Variants in NDP observed in about 807,000 individuals in gnomAD.
NDP encodes norrin.
Under a neutral mutation model 8.4 loss-of-function variants are expected in NDP, and 2 were observed. The ratio of observed to expected loss-of-function variants is 0.24; its 90% confidence interval spans 0.10 to 0.75. The LOEUF is 0.75. NDP is among the 30% of genes least tolerant of loss of function. The pLI is 0.73. For missense variants in NDP, 81 were observed against 110.1 expected, an observed-to-expected ratio of 0.74 and a Z score of 1.18; for synonymous variants, 55 against 45.6, an observed-to-expected ratio of 1.21 and a Z score of -0.83.
At chrX:43,961,837 A>G (rs1280796459) in intron 1 of NDP, among the ~76,000 whole-genome samples, 5 of 111,690 alleles carry the variant, frequency 4.5e-5, no homozygotes, top group Non-Finnish European at 3.8e-5. Flanking sequence ...ATACTCTTCC[A>G]GGGCGACCAC....
intron 2 of NDP, among the ~76,000 whole-genome samples, chrX:43,953,887 C>T (rs1478363143): frequency 8.9e-6 from 1 of 112,552 alleles, no homozygotes; most frequent in Non-Finnish European, 1.9e-5. Context: ...AAACCCCTGA[C>T]CATATCCATA....
chrX:43,956,887 T>C (rs1251532867), intron 2 of NDP, among the ~76,000 whole-genome samples: 2 of 111,920 alleles, frequency 1.8e-5, no homozygotes, highest in African/African-American at 6.5e-5. Context: ...TTCTTCGGTT[T>C]GAGTTCATGA....
chrX:43,964,498 G>A (rs1158652668), intron 1 of NDP, among the ~76,000 whole-genome samples: 1 of 110,944 alleles, frequency 9.0e-6, no homozygotes, highest in Non-Finnish European at 1.9e-5. Context: ...CCTGACTGAA[G>A]CTTAAAATCC....
At position 43,949,206 on chromosome X, in the gene NDP, G is replaced by A. The variant is rs1017480815; in HGVS notation, c.*593C>T. The A allele has an allele frequency of 8.8e-6, 1 of 113,765 alleles. No homozygotes were observed. Among genetic ancestry groups the A allele is most frequent in the Non-Finnish European group, 1.8e-5 (1 of 54,330 alleles). The allele number at this position is 113,765 out of a possible 1,213,427, so 9.4% of individuals were successfully genotyped here. A position where few individuals can be genotyped will look rare whatever the true frequency, so the allele number is the denominator to read the frequency against. Reference sequence around the variant, plus strand: ...TGAATAATAATTATAGCTGTCAAGAGTTCCAGCATCACATAAAAGAATCTG... The same window carrying A: ...TGAATAATAATTATAGCTGTCAAGAATTCCAGCATCACATAAAAGAATCTG... On this transcript the variant is annotated 3_prime_UTR_variant, in exon 3 of 3. Coordinates refer to ENST00000642620, the MANE Select transcript of NDP (RefSeq NM_000266.4).
chrX:43,968,684 G>A (rs12833438), intron 1 of NDP, among the ~76,000 whole-genome samples: 27,274 of 111,556 alleles, frequency 0.24, 2,716 homozygotes, highest in Non-Finnish European at 0.3. Flanking sequence ...GGACAAAAGA[G>A]TGGTTGTATT....
At chrX:43,956,791 G>A (rs1212219480) in intron 2 of NDP, among the ~76,000 whole-genome samples, 1 of 111,999 alleles carries the variant, frequency 8.9e-6, no homozygotes, top group Non-Finnish European at 1.9e-5. Context: ...GCTGTTATTT[G>A]CCATGGCTTT....
chrX:43,967,611 C>T (rs978175004), intron 1 of NDP, among the ~76,000 whole-genome samples: 2 of 111,470 alleles, frequency 1.8e-5, no homozygotes, highest in African/African-American at 6.5e-5. Flanking sequence ...ATTGAAAGGG[C>T]AGCAGCAGAT....
intron 1 of NDP, among the ~76,000 whole-genome samples, chrX:43,965,655 T>C (rs1449575575): frequency 9.0e-6 from 1 of 111,547 alleles, no homozygotes; most frequent in Non-Finnish European, 1.9e-5. Flanking sequence ...CTCTTGCACC[T>C]TTCTTTTGAA....
intron 1 of NDP, among the ~76,000 whole-genome samples, chrX:43,960,138 A>AT (rs34700936): frequency 0.29 from 31,550 of 110,667 alleles, 3,486 homozygotes; most frequent in African/African-American, 0.35. Flanking sequence ...TGGCAATAGC[A>AT]AAGCCTCAGC....
intron 2 of NDP, among the ~76,000 whole-genome samples, chrX:43,954,029 C>T (rs1431964658): frequency 8.9e-6 from 1 of 112,509 alleles, no homozygotes; most frequent in African/African-American, 3.2e-5. Flanking sequence ...AATAAAGACC[C>T]ACCTGTCCCA....
At chrX:43,967,949 A>AG (rs2035868148) in intron 1 of NDP, among the ~76,000 whole-genome samples, 1 of 111,575 alleles carries the variant, frequency 9.0e-6, no homozygotes, top group African/African-American at 3.3e-5. Flanking sequence ...GTGGAAAAAA[A>AG]AAAGAAAAAA....
chrX:43,954,012 G>T (rs906081440), intron 2 of NDP, among the ~76,000 whole-genome samples: 2 of 112,433 alleles, frequency 1.8e-5, no homozygotes, highest in African/African-American at 6.5e-5. Flanking sequence ...GTCACCATTA[G>T]CATCAGAATA....
chrX:43,962,269 ATT>A (rs776438846), intron 1 of NDP, among the ~76,000 whole-genome samples: 31 of 95,545 alleles, frequency 3.2e-4, no homozygotes, highest in Admixed American at 3.5e-4. Flanking sequence ...ATAACCTGGG[ATT>A]TTTTTTTTTT....
At chrX:43,963,055 G>A (rs1434255530) in intron 1 of NDP, among the ~76,000 whole-genome samples, 5 of 112,224 alleles carry the variant, frequency 4.5e-5, no homozygotes, top group African/African-American at 1.6e-4. Context: ...AGTGGTATGT[G>A]CCAAGAATGG....
chrX:43,959,902 G>C (rs2035816995), intron 1 of NDP, among the ~76,000 whole-genome samples: 1 of 112,438 alleles, frequency 8.9e-6, no homozygotes, highest in South Asian at 3.6e-4. Context: ...TTGTTCATAG[G>C]CAACATTTTC....
At chrX:43,958,357 A>C (rs1234993025) in intron 2 of NDP, 115 bp downstream of exon 2, 4 of 913,238 alleles carry the variant, frequency 4.4e-6, no homozygotes, top group Non-Finnish European at 6.3e-6. Flanking sequence ...CCTGTGGGCC[A>C]GCCACATCAC....
At chrX:43,955,851 G>A (rs2035789889) in intron 2 of NDP, among the ~76,000 whole-genome samples, 1 of 104,705 alleles carries the variant, frequency 9.6e-6, no homozygotes, top group Non-Finnish European at 2.0e-5. Context: ...CAGTCTCATT[G>A]AAAGCTCCCA....
At chrX:43,951,188 G>C (rs1416066923) in intron 2 of NDP, among the ~76,000 whole-genome samples, 1 of 110,715 alleles carries the variant, frequency 9.0e-6, no homozygotes, top group Non-Finnish European at 1.9e-5. Flanking sequence ...TGAGGCAGGA[G>C]GATCACTTGA....
rs2035808684 is a variant in NDP at position 43,958,547 on chromosome X, G to A, written c.99C>T (p.Asp33=). ...GCCTCATGCAGCGTCGAGGGTCCGA[G>A]TCCATTATGAATGAGCTGTCCGTTT... is the stretch of plus-strand genomic sequence containing the variant. ...DSKTDSSFIM[D]SDPRRCMRHH... is the part of the protein sequence containing the mutation. The change falls in exon 2 of 3, where the codon GAC becomes GAT. Residue 33 remains aspartate, a synonymous_variant. Transcript: ENST00000642620. The A allele has an allele frequency of 8.3e-7, 1 of 1,210,050 alleles. No homozygotes were observed. Among genetic ancestry groups the A allele is most frequent in the African/African-American group, 1.7e-5 (1 of 57,357 alleles).
Sources: allele counts gnomAD v4.1 joint callset (sites outside exome capture counted in the v4.1 genomes callset), GRCh38; gene constraint gnomAD v4.1.1; transcripts MANE v1.5; gene names NCBI Gene and HGNC (gene_info 2026-07-23, HGNC 2026-07-21).